EPB41L5: variants seen among roughly 807,000 people sequenced by gnomAD.
The protein encoded by EPB41L5 is erythrocyte membrane protein band 4.1 like 5, also known as band 4.1-like protein 5.
In EPB41L5, 55 loss-of-function variants were observed where a neutral mutation model predicts 106.6. The ratio of observed to expected loss-of-function variants is 0.52; its 90% CI spans 0.42 to 0.65. The LOEUF (loss-of-function observed/expected upper bound fraction) is 0.65. Among genes scored for constraint, EPB41L5 ranks in the 30% least tolerant of loss-of-function variants. The probability of loss-of-function intolerance (pLI) is 0.00; values close to 1 mark genes in which losing one functional copy is unlikely to be tolerated. For synonymous variants in EPB41L5, 297 were observed against 306.7 expected, an observed-to-expected ratio of 0.97 and a Z score of 0.33; for missense variants, 871 against 882.1, an observed-to-expected ratio of 0.99 and a Z score of 0.16.
At chr2:120,076,674 G>A (rs1254218753) in intron 7 of EPB41L5, among the ~76,000 whole-genome samples, 1 of 151,658 alleles carries the variant, frequency 6.6e-6, no homozygotes, top group Non-Finnish European at 1.5e-5. Context: ...TTCACTATAA[G>A]GTCAGAGGTA....
intron 3 of EPB41L5, among the ~76,000 whole-genome samples, chr2:120,052,061 G>A (rs1422624789): frequency 2.6e-5 from 4 of 152,126 alleles, no homozygotes; most frequent in African/African-American, 7.2e-5. Flanking sequence ...TCCTGACCTC[G>A]TGATCTGCCC....
intron 2 of EPB41L5, among the ~76,000 whole-genome samples, chr2:120,033,964 T>G (rs1485752626): frequency 6.6e-6 from 1 of 150,916 alleles, no homozygotes; most frequent in African/African-American, 2.4e-5. Context: ...GCTATGATGG[T>G]GCACACCTGT....
In EPB41L5 at chr2:120,107,736, A is replaced by G. The variant is rs190348006; in HGVS notation, c.1337+6922A>G. On this transcript the variant is annotated intron_variant, in intron 16 of 24. Coordinates refer to ENST00000263713, the MANE Select transcript of EPB41L5 (RefSeq NM_020909.4). ...ACATTTCTCATCCTCTGTTCATACA[A>G]TTTTTTACTTTAGTCACATGAAAAC... 3.2e-4 allele frequency among the ~76,000 whole-genome samples: 48 copies of G among 152,246 alleles called. 1 individual carries two copies. The highest frequency in any genetic ancestry group is 9.4e-4 in the African/African-American group (39 of 41,552).
intron 3 of EPB41L5, among the ~76,000 whole-genome samples, chr2:120,055,481 A>ATTTTTTTTTTTT (rs34856540): frequency 5.8e-5 from 5 of 85,552 alleles, no homozygotes; most frequent in Non-Finnish European, 1.1e-4. Context: ...TAGGTTTTTA[A>ATTTTTTTTTTTT]TTTTTTTTTT....
At chr2:120,099,836 C>T (rs1684025818) in intron 14 of EPB41L5, among the ~76,000 whole-genome samples, 1 of 152,130 alleles carries the variant, frequency 6.6e-6, no homozygotes, top group Non-Finnish European at 1.5e-5. Context: ...AGTTATAAAA[C>T]GCTGAGTTGT....
intron 20 of EPB41L5, among the ~76,000 whole-genome samples, chr2:120,149,020 G>A (rs1686543627): frequency 6.6e-6 from 1 of 152,092 alleles, no homozygotes; most frequent in Non-Finnish European, 1.5e-5. Flanking sequence ...GTCATTGACA[G>A]TGCTTATTAT....
At position 120,097,874 on chromosome 2, in the gene EPB41L5, A is replaced by G. The variant is rs568929604; in HGVS notation, c.1179-2370A>G. ...TTCATACAATTTAAAACAGGAAGCT[A>G]TGGTTCAATTAACATCACTTATAAA... On this transcript the variant is annotated intron_variant, in intron 14 of 24. Coordinates refer to ENST00000263713, the MANE Select transcript of EPB41L5 (RefSeq NM_020909.4). 8.5e-5 allele frequency among the ~76,000 whole-genome samples: 13 copies of G among 152,348 alleles called. No individual in the cohort carries two copies. The South Asian group carries it at 1.4e-3, about 17-fold the overall frequency.
chr2:120,074,375 G>A, intron 5 of EPB41L5, 197 bp downstream of exon 5: 1 of 508,464 alleles, frequency 2.0e-6, no homozygotes, highest in Non-Finnish European at 3.5e-6. Context: ...TCAAAATAAA[G>A]AGTTGGTTTC....
intron 5 of EPB41L5, chr2:120,074,435 C>G (rs1208468635): frequency 6.0e-6 from 2 of 332,098 alleles, no homozygotes; most frequent in African/African-American, 2.2e-5. Context: ...AAGTATCACT[C>G]TCAACTCAGG....
intron 5 of EPB41L5, among the ~76,000 whole-genome samples, chr2:120,074,891 G>A (rs560103252): frequency 6.6e-6 from 1 of 152,276 alleles, no homozygotes; most frequent in African/African-American, 2.4e-5. Context: ...GCAATGGCAT[G>A]TTCTCAGTTC....
At chr2:120,059,745 AAAAC>A (rs1680899911) in intron 3 of EPB41L5, among the ~76,000 whole-genome samples, 1 of 152,164 alleles carries the variant, frequency 6.6e-6, no homozygotes, top group Non-Finnish European at 1.5e-5. Context: ...TCTACAAAAA[AAAAC>A]AAAAAAAGTC....
intron 2 of EPB41L5, among the ~76,000 whole-genome samples, chr2:120,025,812 A>G (rs1678269295): frequency 6.6e-6 from 1 of 152,170 alleles, no homozygotes; most frequent in African/African-American, 2.4e-5. Context: ...AAGATATTGT[A>G]AGGAACTCTT....
chr2:120,033,564 G>A lies in EPB41L5; in HGVS notation c.181-8442G>A, dbSNP rs537486429. 1.1e-4 allele frequency among the ~76,000 whole-genome samples: 17 copies of A among 151,906 alleles called. No homozygotes were observed. In the South Asian group the frequency reaches 1.9e-3, roughly 17 times the overall value. On this transcript the variant is annotated intron_variant, in intron 2 of 24. Transcript: ENST00000263713. ...CTCTATTAAAAATACAAAATTAGCCGGGCGTAGTAGCAGGCACCTGTAATC... is the reference window on the plus strand; with the variant it reads ...CTCTATTAAAAATACAAAATTAGCCAGGCGTAGTAGCAGGCACCTGTAATC...
intron 16 of EPB41L5, among the ~76,000 whole-genome samples, chr2:120,125,364 G>T (rs1171279001): frequency 1.3e-5 from 2 of 152,132 alleles, no homozygotes; most frequent in African/African-American, 4.8e-5. Context: ...GGTAAAGTTG[G>T]CCCCAGGCAA....
At chr2:120,062,260 A>T (rs1358826887) in intron 3 of EPB41L5, among the ~76,000 whole-genome samples, 1 of 152,200 alleles carries the variant, frequency 6.6e-6, no homozygotes, top group Admixed American at 6.5e-5. Context: ...AATAAATAAC[A>T]TGTTAAATGT....
rs1310067055 is a variant in EPB41L5, at chr2:120,072,658, T to C, written c.286-520T>C. 2.0e-5 allele frequency among the ~76,000 whole-genome samples: 3 copies of C among 152,146 alleles called. No individual in the cohort carries two copies. The South Asian group carries it at 6.2e-4, about 31-fold the overall frequency. On this transcript the variant is annotated intron_variant, in intron 3 of 24. Coordinates refer to ENST00000263713, the MANE Select transcript of EPB41L5 (RefSeq NM_020909.4). ...ACATAGATGAAGCTGGAAACCATCA[T>C]TCTTAGCAAACTAACACAGGAACAG...
chr2:120,147,624 C>CA (rs60980401), intron 20 of EPB41L5, among the ~76,000 whole-genome samples: 13,210 of 74,686 alleles, frequency 0.18, 1,012 homozygotes, highest in Middle Eastern at 0.25. Context: ...AACTCTGTCT[C>CA]AAAAAAAAAA....
At chr2:120,104,183 T>C (rs1684316533) in intron 16 of EPB41L5, 1 of 1,535,992 alleles carries the variant, frequency 6.5e-7, no homozygotes, top group Non-Finnish European at 8.7e-7. Context: ...ATGTGAAGAA[T>C]GCAGGAATCC....
intron 14 of EPB41L5, 31 bp from the exon 15 acceptor site, chr2:120,100,213 G>A (rs1684046874): frequency 6.3e-7 from 1 of 1,591,552 alleles, no homozygotes; most frequent in East Asian, 2.2e-5. Context: ...TTCATATAGG[G>A]TTTTTAATTG....
Sources: allele counts gnomAD v4.1 joint callset (sites outside exome capture counted in the v4.1 genomes callset), GRCh38; gene constraint gnomAD v4.1.1; transcripts MANE v1.5; gene names NCBI Gene and HGNC (gene_info 2026-07-23, HGNC 2026-07-21).